The following DCAF7 variants were observed in gnomAD, a reference collection of about 807,000 sequenced individuals.
DCAF7 encodes the protein DDB1 and CUL4 associated factor 7.
A neutral mutation model predicts 41.2 loss-of-function variants in DCAF7; 4 were observed. The ratio of observed to expected loss-of-function variants is 0.10; its 90% CI spans 0.05 to 0.22. DCAF7 has a LOEUF of 0.22. Among genes scored for constraint, DCAF7 ranks in the 10% least tolerant of loss-of-function variants. The pLI, the probability that DCAF7 is intolerant of heterozygous loss-of-function variation, is 1.00. For synonymous variants in DCAF7, 143 were observed against 164.2 expected (o/e 0.87, Z 0.99); for missense variants, 131 against 443.2 (o/e 0.30, Z 6.32).
rs1014731927 is a variant in DCAF7, at chr17:63,550,584, C to T, written c.-94C>T. The T allele has an allele frequency of 4.5e-6, 7 of 1,541,348 alleles. No individual in the cohort carries two copies. The highest frequency in any genetic ancestry group is 1.4e-5 in the African/African-American group (1 of 73,610). ...TTAGGCCGTTCCTGCCCGCCCCCTC[C>T]TCTCCTCCCTTCGGACCCATAGATC... On this transcript the variant is annotated 5_prime_UTR_variant, in exon 1 of 7. Transcript: ENST00000614556. The surrounding 1 kb of genome is among the most constrained non-coding windows in gnomAD (Gnocchi z 4.8).
intron 6 of DCAF7, among the ~76,000 whole-genome samples, chr17:63,587,161 T>C (rs1212334457): frequency 2.0e-5 from 3 of 152,116 alleles, no homozygotes; most frequent in Non-Finnish European, 4.4e-5. Context: ...CAAGAAGCAA[T>C]GTACTCTGGT....
chr17:63,564,975 G>A (rs1435504575), intron 1 of DCAF7, among the ~76,000 whole-genome samples: 2 of 152,314 alleles, frequency 1.3e-5, no homozygotes, highest in Non-Finnish European at 2.9e-5. Flanking sequence ...GTACAGTCAC[G>A]AATCTAGATG....
chr17:63,588,120 T>A (rs1175622650), intron 6 of DCAF7, among the ~76,000 whole-genome samples: 1 of 151,962 alleles, frequency 6.6e-6, no homozygotes, highest in Non-Finnish European at 1.5e-5. Flanking sequence ...TTCTACTTAT[T>A]TTTCATGTGC....
chr17:63,559,581 C>T (rs1337680794), intron 1 of DCAF7, among the ~76,000 whole-genome samples: 4 of 150,962 alleles, frequency 2.6e-5, no homozygotes, highest in South Asian at 2.1e-4. Context: ...GCGGGTGGAT[C>T]GCCTAAGGTC....
chr17:63,578,456 T>A lies in DCAF7; in HGVS notation c.139-14T>A, dbSNP rs2033586062. The stretch of plus-strand genomic sequence containing the variant: ...TCACAAATGCTTATGTGGCTCAACT[T>A]TGGTATGTTACAGGTTCAGCTTGTT... On this transcript the variant is annotated splice_polypyrimidine_tract_variant and intron_variant, in intron 1 of 6. Coordinates refer to ENST00000614556, the MANE Select transcript of DCAF7 (RefSeq NM_005828.5). 1 of 1,613,808 alleles carries A rather than the reference T, an allele frequency of 6.2e-7. No individual in the cohort carries two copies. The highest frequency in any genetic ancestry group is 1.7e-5 in the Admixed American group (1 of 59,990).
intron 1 of DCAF7, among the ~76,000 whole-genome samples, chr17:63,572,048 G>A (rs892026135): frequency 6.6e-6 from 1 of 152,110 alleles, no homozygotes. Flanking sequence ...GAGGCACTAT[G>A]GGATTAGTCA....
intron 1 of DCAF7, among the ~76,000 whole-genome samples, chr17:63,559,256 A>G (rs1043481635): frequency 6.8e-6 from 1 of 148,062 alleles, no homozygotes; most frequent in African/African-American, 2.5e-5. Context: ...GGTTGCAGTG[A>G]GCCAAGATTG....
At chr17:63,562,653 G>A (rs1225394888) in intron 1 of DCAF7, among the ~76,000 whole-genome samples, 1 of 149,748 alleles carries the variant, frequency 6.7e-6, no homozygotes, top group Non-Finnish European at 1.5e-5. Context: ...TCGTCATCTA[G>A]CATTAGGTAT....
At chr17:63,565,437 TG>T (rs1437396643) in intron 1 of DCAF7, among the ~76,000 whole-genome samples, 1 of 151,838 alleles carries the variant, frequency 6.6e-6, no homozygotes, top group Non-Finnish European at 1.5e-5. Flanking sequence ...TAGCTGGGCG[TG>T]GTGGTGCATG....
At position 63,589,308 on chromosome 17, in the gene DCAF7, C is replaced by A; in HGVS notation, c.*136C>A. 1 of 1,221,300 alleles carries A rather than the reference C, an allele frequency of 8.2e-7. No homozygotes were observed. The highest frequency in any genetic ancestry group is 1.2e-6 in the Non-Finnish European group (1 of 856,620). The allele number at this position is 1,221,300 out of a possible 1,614,324, so 75.7% of individuals were successfully genotyped here. Reference sequence around the variant, plus strand: ...TTGCACCCACTGTTACCAGAAGCTGCTCTAGGAGTTCCTGGCCAGTCACCC... The same window carrying A: ...TTGCACCCACTGTTACCAGAAGCTGATCTAGGAGTTCCTGGCCAGTCACCC... On this transcript the variant is annotated 3_prime_UTR_variant, in exon 7 of 7. Coordinates refer to ENST00000614556, the MANE Select transcript of DCAF7 (RefSeq NM_005828.5).
At position 63,550,590 on chromosome 17, in the gene DCAF7, T is replaced by A; in HGVS notation, c.-88T>A. The A allele has an allele frequency of 6.5e-7, 1 of 1,538,994 alleles. No homozygotes were observed. Among genetic ancestry groups the A allele is most frequent in the Non-Finnish European group, 8.8e-7 (1 of 1,136,164 alleles). On this transcript the variant is annotated 5_prime_UTR_variant, in exon 1 of 7. Coordinates refer to ENST00000614556, the MANE Select transcript of DCAF7 (RefSeq NM_005828.5). The surrounding 1 kb of genome is among the most constrained non-coding windows in gnomAD (Gnocchi z 4.8). ...CGTTCCTGCCCGCCCCCTCCTCTCCTCCCTTCGGACCCATAGATCTCAGGC... is the reference window on the plus strand; with the variant it reads ...CGTTCCTGCCCGCCCCCTCCTCTCCACCCTTCGGACCCATAGATCTCAGGC...
chr17:63,569,602 A>T (rs1036450993), intron 1 of DCAF7, among the ~76,000 whole-genome samples: 1 of 152,114 alleles, frequency 6.6e-6, no homozygotes, highest in Non-Finnish European at 1.5e-5. Flanking sequence ...TTTTTGTTTA[A>T]TTCTAAGGTG....
At chr17:63,557,028 C>G (rs543636627) in intron 1 of DCAF7, among the ~76,000 whole-genome samples, 26 of 151,932 alleles carry the variant, frequency 1.7e-4, no homozygotes, top group Admixed American at 1.7e-3. Flanking sequence ...ACCGCCATCT[C>G]AAAACCAAAA....
At chr17:63,587,430 C>T (rs939089044) in intron 6 of DCAF7, among the ~76,000 whole-genome samples, 2 of 152,082 alleles carry the variant, frequency 1.3e-5, no homozygotes, top group Non-Finnish European at 2.9e-5. Flanking sequence ...CCGTAGAAGC[C>T]CCATTTTCTG....
intron 1 of DCAF7, among the ~76,000 whole-genome samples, chr17:63,554,014 G>A (rs1483385178): frequency 6.6e-6 from 1 of 151,850 alleles, no homozygotes; most frequent in Non-Finnish European, 1.5e-5. Context: ...TACCAACCTG[G>A]GCAACATGGA....
At chr17:63,587,638 A>G (rs2033691330) in intron 6 of DCAF7, among the ~76,000 whole-genome samples, 1 of 152,164 alleles carries the variant, frequency 6.6e-6, no homozygotes, top group South Asian at 2.1e-4. Flanking sequence ...CCTGGCCCAG[A>G]CTATGCGGCC....
chr17:63,568,601 T>G (rs1406088263), intron 1 of DCAF7, among the ~76,000 whole-genome samples: 3 of 152,192 alleles, frequency 2.0e-5, no homozygotes, highest in African/African-American at 7.2e-5. Context: ...CATCTCTGTT[T>G]TTGTTATTTT....
intron 1 of DCAF7, among the ~76,000 whole-genome samples, chr17:63,551,189 A>G (rs2033248844): frequency 6.6e-6 from 1 of 152,010 alleles, no homozygotes; most frequent in East Asian, 1.9e-4. Flanking sequence ...GGAAGGGAAG[A>G]GAGAGTGATA....
At chr17:63,562,465 G>T (rs1229667950) in intron 1 of DCAF7, among the ~76,000 whole-genome samples, 1 of 152,118 alleles carries the variant, frequency 6.6e-6, no homozygotes, top group African/African-American at 2.4e-5. Context: ...ACATTTCTCT[G>T]TGAAAGATAT....
Sources: gnomAD v4.1 joint callset for allele counts (sites outside exome capture counted in the v4.1 genomes callset) on GRCh38, gnomAD v4.1.1 for gene constraint, Gnocchi (gnomAD v3.1) non-coding constraint, MANE v1.5 for transcripts, NCBI Gene and HGNC (gene_info 2026-07-23, HGNC 2026-07-21) for gene names.